Variants in COL25A1 observed in about 807,000 individuals in gnomAD.
The protein encoded by COL25A1 is collagen type XXV alpha 1 chain.
A neutral mutation model predicts 128.4 loss-of-function variants in COL25A1; 103 were observed. The ratio of observed to expected loss-of-function variants is 0.80; its 90% CI spans 0.68 to 0.94. The LOEUF is 0.94. Ranked by LOEUF, COL25A1 falls within the 40% of genes least tolerant of loss-of-function variation. The pLI, the probability that COL25A1 is intolerant of heterozygous loss-of-function variation, is 0.00. For synonymous variants in COL25A1, 279 were observed against 277.2 expected, an observed-to-expected ratio of 1.01 and a Z score of -0.06; for missense variants, 745 against 840.0, an observed-to-expected ratio of 0.89 and a Z score of 1.40.
At chr4:108,944,415 T>C (rs1027596292) in intron 8 of COL25A1, among the ~76,000 whole-genome samples, 3 of 152,134 alleles carry the variant, frequency 2.0e-5, no homozygotes, top group Non-Finnish European at 4.4e-5. Context: ...TATTACACAG[T>C]CAGAATTTTA....
chr4:109,113,274 T>C (rs1277705825), intron 3 of COL25A1, among the ~76,000 whole-genome samples: 1 of 152,106 alleles, frequency 6.6e-6, no homozygotes, highest in East Asian at 1.9e-4. Context: ...GGAAGAGATT[T>C]GTCACCAATG....
intron 3 of COL25A1, among the ~76,000 whole-genome samples, chr4:109,275,448 G>T (rs1053809854): frequency 1.3e-5 from 2 of 152,156 alleles, no homozygotes; most frequent in Admixed American, 6.5e-5. Flanking sequence ...GCCCAATCAT[G>T]TCCTAACAAA....
intron 8 of COL25A1, among the ~76,000 whole-genome samples, chr4:108,973,964 A>G (rs1752171693): frequency 6.6e-6 from 1 of 152,260 alleles, no homozygotes; most frequent in Admixed American, 6.5e-5. Flanking sequence ...TATCTGTAAA[A>G]AAACATTTAT....
At chr4:109,254,000 T>C (rs1182174600) in intron 3 of COL25A1, among the ~76,000 whole-genome samples, 1 of 148,800 alleles carries the variant, frequency 6.7e-6, no homozygotes, top group Non-Finnish European at 1.5e-5. Flanking sequence ...GGCAGGAGAA[T>C]GGCGCGAACC....
intron 5 of COL25A1, among the ~76,000 whole-genome samples, chr4:109,040,615 A>G (rs1759788730): frequency 6.6e-6 from 1 of 152,188 alleles, no homozygotes; most frequent in Admixed American, 6.5e-5. Flanking sequence ...GTCCCATAAG[A>G]TATTTACAGG....
intron 11 of COL25A1, among the ~76,000 whole-genome samples, chr4:108,928,140 A>C (rs1272293515): frequency 2.0e-5 from 3 of 152,150 alleles, no homozygotes; most frequent in African/African-American, 7.2e-5. Flanking sequence ...AAAGGAAACA[A>C]ATTTATGGTT....
At chr4:109,013,484 C>CCACACTGTTTAGGCTTTGTTCTT (rs1561025482) in intron 5 of COL25A1, among the ~76,000 whole-genome samples, 2 of 151,196 alleles carry the variant, frequency 1.3e-5, no homozygotes, top group South Asian at 2.1e-4. Flanking sequence ...GAGTCCCCTT[C>CCACACTGTTTAGGCTTTGTTCTT]CACACTGTGT....
intron 33 of COL25A1, 78 bp from the exon 34 acceptor site, chr4:108,825,300 A>G: frequency 1.9e-6 from 2 of 1,060,204 alleles, no homozygotes; most frequent in Non-Finnish European, 1.5e-6. Flanking sequence ...AGGCTGTCTG[A>G]ACATGCAACA....
At chr4:108,948,925 GC>G (rs1426919420) in intron 8 of COL25A1, among the ~76,000 whole-genome samples, 1 of 152,176 alleles carries the variant, frequency 6.6e-6, no homozygotes, top group African/African-American at 2.4e-5. Context: ...TTCATATAGG[GC>G]CAAAGGCTCT....
chr4:109,198,387 A>G (rs1440559189), intron 3 of COL25A1, among the ~76,000 whole-genome samples: 1 of 151,572 alleles, frequency 6.6e-6, no homozygotes, highest in Non-Finnish European at 1.5e-5. Flanking sequence ...TTCAGAACAC[A>G]CTCCACTTTA....
At chr4:108,937,593 A>ACC (rs10645267) in intron 11 of COL25A1, among the ~76,000 whole-genome samples, 73,256 of 151,768 alleles carry the variant, frequency 0.48, 20,101 homozygotes, top group East Asian at 0.93. Flanking sequence ...CGCTCCCCAC[A>ACC]CCTGGAATCT....
intron 3 of COL25A1, among the ~76,000 whole-genome samples, chr4:109,159,154 T>G (rs1772320758): frequency 6.6e-6 from 1 of 151,198 alleles, no homozygotes; most frequent in African/African-American, 2.4e-5. Flanking sequence ...GAGAAGAAGA[T>G]AAGAAACAGG....
intron 18 of COL25A1, among the ~76,000 whole-genome samples, chr4:108,887,110 C>T (rs7697403): frequency 0.54 from 81,419 of 151,562 alleles, 23,174 homozygotes; most frequent in East Asian, 1. Context: ...ACTAAACTCT[C>T]GAGGCTATAA....
chr4:108,980,893 A>G (rs934028971), intron 6 of COL25A1, among the ~76,000 whole-genome samples: 1 of 152,236 alleles, frequency 6.6e-6, no homozygotes, highest in African/African-American at 2.4e-5. Context: ...GTGCTCAGGC[A>G]CAAGCAAACA....
intron 6 of COL25A1, among the ~76,000 whole-genome samples, chr4:108,979,505 C>T (rs114641999): frequency 0.012 from 1,880 of 151,960 alleles, 41 homozygotes; most frequent in African/African-American, 0.042. Context: ...AAAACTAAGG[C>T]AGGAATAGTT....
intron 16 of COL25A1, among the ~76,000 whole-genome samples, chr4:108,895,816 C>T (rs543298080): frequency 6.6e-6 from 1 of 151,992 alleles, no homozygotes; most frequent in South Asian, 2.1e-4. Flanking sequence ...TTGGTGCACC[C>T]ATCACCCAAG....
At chr4:109,068,197 T>A (rs1427992724) in intron 3 of COL25A1, among the ~76,000 whole-genome samples, 1 of 152,190 alleles carries the variant, frequency 6.6e-6, no homozygotes, top group Non-Finnish European at 1.5e-5. Context: ...TCTGCCCTTT[T>A]CTTTTATCAA....
intron 3 of COL25A1, among the ~76,000 whole-genome samples, chr4:109,130,958 T>G (rs1245477971): frequency 6.6e-6 from 1 of 152,198 alleles, no homozygotes; most frequent in African/African-American, 2.4e-5. Flanking sequence ...TAATTTTAAA[T>G]ATCTTGCTAA....
chr4:109,109,170 C>T (rs1317873562), intron 3 of COL25A1, among the ~76,000 whole-genome samples: 6 of 152,130 alleles, frequency 3.9e-5, no homozygotes, highest in South Asian at 4.1e-4. Context: ...CTCACCACAA[C>T]CTCCTCCTCC....
Sources: allele counts gnomAD v4.1 joint callset (sites outside exome capture counted in the v4.1 genomes callset), GRCh38; gene constraint gnomAD v4.1.1; transcripts MANE v1.5; gene names NCBI Gene and HGNC (gene_info 2026-07-23, HGNC 2026-07-21).